Variants in MAN1C1 observed in about 807,000 individuals in gnomAD.
The protein encoded by MAN1C1 is mannosidase alpha class 1C member 1.
MAN1C1 carries 49 observed loss-of-function variants against 71.5 expected under a neutral mutation model. The ratio of observed to expected loss-of-function variants is 0.69; its 90% confidence interval spans 0.54 to 0.87. The LOEUF is 0.87. Ranked by LOEUF, MAN1C1 falls within the 40% of genes least tolerant of loss-of-function variation. The pLI is 0.00. For synonymous variants in MAN1C1, 352 were observed against 343.7 expected (o/e 1.02, Z -0.27); for missense variants, 743 against 835.0 (o/e 0.89, Z 1.36).
chr1:25,668,628 T>C (rs982156400), intron 1 of MAN1C1, among the ~76,000 whole-genome samples: 14 of 151,658 alleles, frequency 9.2e-5, no homozygotes, highest in African/African-American at 3.4e-4. Context: ...CGATCTCGGC[T>C]CACTGCAACC....
chr1:25,749,638 G>A (rs1384948715), intron 4 of MAN1C1, among the ~76,000 whole-genome samples: 1 of 152,164 alleles, frequency 6.6e-6, no homozygotes, highest in Non-Finnish European at 1.5e-5. Context: ...TTTACTCTCT[G>A]ATCCCTCCAT....
At chr1:25,705,141 A>G (rs1021411527) in intron 2 of MAN1C1, among the ~76,000 whole-genome samples, 2 of 152,212 alleles carry the variant, frequency 1.3e-5, no homozygotes, top group African/African-American at 2.4e-5. Flanking sequence ...ATACATGCCC[A>G]TTATAGTGAA....
chr1:25,650,286 C>CAA (rs58797253), intron 1 of MAN1C1, among the ~76,000 whole-genome samples: 13,468 of 152,160 alleles, frequency 0.089, 1,298 homozygotes, highest in East Asian at 0.22. Flanking sequence ...AGGGATTAAT[C>CAA]GAGGCATCTG....
chr1:25,629,101 G>A (rs898275102), intron 1 of MAN1C1, among the ~76,000 whole-genome samples: 18 of 152,128 alleles, frequency 1.2e-4, no homozygotes, highest in African/African-American at 4.3e-4. Context: ...TTTTCTTTGA[G>A]TAGATACCCA....
rs2045435954 is a variant in MAN1C1 at position 25,634,995 on chromosome 1, A to C, written c.540+16658A>C. On this transcript the variant is annotated intron_variant, in intron 1 of 11. Coordinates refer to ENST00000374332, the MANE Select transcript of MAN1C1 (RefSeq NM_020379.4). The surrounding 1 kb of genome is among the most constrained non-coding windows in gnomAD (Gnocchi z 4.6). ...GGTGTCAACATTATGTTGACATCATAAAATAAACTGTATGTTGACTTGTAT... is the reference window on the plus strand; with the variant it reads ...GGTGTCAACATTATGTTGACATCATCAAATAAACTGTATGTTGACTTGTAT... Among the ~76,000 whole-genome samples, 1 of 151,864 alleles carries C rather than the reference A, an allele frequency of 6.6e-6. No homozygotes were observed. Among genetic ancestry groups the C allele is most frequent in the African/African-American group, 2.4e-5 (1 of 41,390 alleles).
intron 1 of MAN1C1, among the ~76,000 whole-genome samples, chr1:25,620,001 C>T (rs893325018): frequency 1.3e-5 from 2 of 152,222 alleles, no homozygotes; most frequent in Non-Finnish European, 2.9e-5. Flanking sequence ...GAGATACTCT[C>T]TGTGTTTGCA....
intron 1 of MAN1C1, among the ~76,000 whole-genome samples, chr1:25,665,613 G>A (rs1358470988): frequency 2.0e-5 from 3 of 152,078 alleles, no homozygotes; most frequent in Non-Finnish European, 4.4e-5. Flanking sequence ...GAAGTTGGGA[G>A]TCTTTAGGTT....
rs918635043 is a variant in MAN1C1, at chr1:25,681,435, G to A, written c.541-5005G>A. Among the ~76,000 whole-genome samples the A allele has an allele frequency of 3.3e-5, 5 of 152,062 alleles. No homozygotes were observed. In the East Asian group the frequency reaches 9.6e-4, roughly 29 times the overall value. ...AAGGTAGGCACCCCCTTCCTAACAA[G>A]TACCAGCATTCCACACTCCAGAAGG... On this transcript the variant is annotated intron_variant, in intron 1 of 11. Transcript: ENST00000374332.
chr1:25,783,581 T>G, intron 11 of MAN1C1, 82 bp from the exon 12 acceptor site: 194 of 1,517,520 alleles, frequency 1.3e-4, no homozygotes, highest in Middle Eastern at 1.7e-4. Context: ...ACAAAGGCCC[T>G]GAGACTTGTT....
Position 25,656,095 on chromosome 1 carries a change from CTTTTTTTT to C in MAN1C1, c.541-30330_541-30323del, listed in dbSNP as rs59710145. Among the ~76,000 whole-genome samples the C allele has an allele frequency of 1.2e-4, 9 of 74,978 alleles. No individual in the cohort carries two copies. The East Asian group carries it at 2.0e-3, about 16-fold the overall frequency. 49.2% of individuals were successfully genotyped at this position (74,978 alleles called of 152,430 possible). On this transcript the variant is annotated intron_variant, in intron 1 of 11. Coordinates refer to ENST00000374332, the MANE Select transcript of MAN1C1 (RefSeq NM_020379.4). Reference sequence around the variant, plus strand: ...TATGTCTTAGGTTGGGATTATCAGTCTTTTTTTTTTTTTTTTTTTTTTGAGACAGTCTC... The same window carrying C: ...TATGTCTTAGGTTGGGATTATCAGTCTTTTTTTTTTTTTTGAGACAGTCTC...
chr1:25,715,164 C>T (rs575513181), intron 2 of MAN1C1, among the ~76,000 whole-genome samples: 2 of 152,278 alleles, frequency 1.3e-5, no homozygotes, highest in South Asian at 4.1e-4. Flanking sequence ...TGCAGAAGAG[C>T]TAGTGCCACT....
intron 1 of MAN1C1, among the ~76,000 whole-genome samples, chr1:25,641,430 G>T (rs1420203348): frequency 6.6e-6 from 1 of 152,216 alleles, no homozygotes; most frequent in Non-Finnish European, 1.5e-5. Flanking sequence ...TAACTTAGAG[G>T]AAGAGTTTTC....
intron 2 of MAN1C1, among the ~76,000 whole-genome samples, chr1:25,692,903 T>C (rs2046326521): frequency 6.6e-6 from 1 of 152,168 alleles, no homozygotes; most frequent in Non-Finnish European, 1.5e-5. Flanking sequence ...AAGACTCAGA[T>C]TTCCCTCTTT....
chr1:25,679,949 A>AT (rs1557762112), intron 1 of MAN1C1, among the ~76,000 whole-genome samples: 10 of 117,010 alleles, frequency 8.5e-5, no homozygotes, highest in South Asian at 2.8e-4. Flanking sequence ...AAAAAAAAAA[A>AT]AATATATATA....
At chr1:25,687,511 C>T (rs1372583987) in intron 2 of MAN1C1, among the ~76,000 whole-genome samples, 1 of 152,226 alleles carries the variant, frequency 6.6e-6, no homozygotes, top group African/African-American at 2.4e-5. Flanking sequence ...CTTACAGATA[C>T]AGGCTCCTGA....
At position 25,766,727 on chromosome 1, in the gene MAN1C1, G is replaced by C. The variant is rs181811763; in HGVS notation, c.1141+2760G>C. ...CCACCCTGAGGCCAACCCCCTGAGA[G>C]CTGCCGAGGAGGGGTCACCAGCCCC... On this transcript the variant is annotated intron_variant, in intron 7 of 11. Transcript: ENST00000374332. 2.4e-3 allele frequency among the ~76,000 whole-genome samples: 371 copies of C among 152,240 alleles called. 1 individual carries two copies. The highest frequency in any genetic ancestry group is 6.8e-3 in the Middle Eastern group (2 of 294).
intron 1 of MAN1C1, among the ~76,000 whole-genome samples, chr1:25,654,576 G>T (rs1207204723): frequency 6.6e-6 from 1 of 152,134 alleles, no homozygotes; most frequent in African/African-American, 2.4e-5. Context: ...GTGTGTGGCT[G>T]CACTGGAAAG....
At chr1:25,762,198 C>T (rs2047370796) in intron 6 of MAN1C1, among the ~76,000 whole-genome samples, 1 of 146,096 alleles carries the variant, frequency 6.8e-6, no homozygotes, top group Non-Finnish European at 1.5e-5. Context: ...ACGATTATAG[C>T]TCACTCCAGC....
At chr1:25,637,392 T>C (rs2045477919) in intron 1 of MAN1C1, among the ~76,000 whole-genome samples, 1 of 152,194 alleles carries the variant, frequency 6.6e-6, no homozygotes, top group South Asian at 2.1e-4. Flanking sequence ...ATTATTGATT[T>C]CTAATTTAAG....
Sources: gnomAD v4.1 joint callset for allele counts (sites outside exome capture counted in the v4.1 genomes callset) on GRCh38, gnomAD v4.1.1 for gene constraint, Gnocchi (gnomAD v3.1) non-coding constraint, MANE v1.5 for transcripts, NCBI Gene and HGNC (gene_info 2026-07-23, HGNC 2026-07-21) for gene names.